Variants in SPAG5 observed in about 807,000 individuals in gnomAD.
SPAG5 encodes the protein sperm associated antigen 5, also known as sperm-associated antigen 5.
A neutral mutation model predicts 145.4 loss-of-function variants in SPAG5; 99 were observed. The ratio of observed to expected loss-of-function variants is 0.68; its 90% confidence interval spans 0.58 to 0.80. The LOEUF (loss-of-function observed/expected upper bound fraction) is 0.80. Among genes scored for constraint, SPAG5 ranks in the 30% least tolerant of loss-of-function variants. The pLI, the probability that SPAG5 is intolerant of heterozygous loss-of-function variation, is 0.00. For synonymous variants in SPAG5, 477 were observed against 525.4 expected, an observed-to-expected ratio of 0.91 and a Z score of 1.26; for missense variants, 1,192 against 1,416.0, an observed-to-expected ratio of 0.84 and a Z score of 2.54.
intron 16 of SPAG5, 32 bp from the exon 17 acceptor site, chr17:28,579,869 C>G: frequency 1.3e-6 from 2 of 1,599,122 alleles, no homozygotes; most frequent in African/African-American, 2.7e-5. Flanking sequence ...GGAGAGGGCC[C>G]CTCTGATGAT....
chr17:28,596,583 G>A (rs186331355), intron 2 of SPAG5, among the ~76,000 whole-genome samples: 16 of 152,070 alleles, frequency 1.1e-4, no homozygotes, highest in African/African-American at 3.6e-4. Flanking sequence ...CAGGAGGATC[G>A]CTTGAACCCA....
intron 4 of SPAG5, 21 bp from the exon 5 acceptor site, chr17:28,586,520 G>A: frequency 6.3e-7 from 1 of 1,592,988 alleles, no homozygotes; most frequent in Non-Finnish European, 8.6e-7. Flanking sequence ...AAACAGAGTT[G>A]TTCCTTGTTT....
chr17:28,579,706 C>G, intron 17 of SPAG5, 45 bp downstream of exon 17: 1 of 1,577,354 alleles, frequency 6.3e-7, no homozygotes, highest in Non-Finnish European at 8.7e-7. Flanking sequence ...TCATCACCAC[C>G]AGATTTTCTA....
chr17:28,577,919 G>T, intron 23 of SPAG5, 91 bp downstream of exon 23: 1 of 1,285,064 alleles, frequency 7.8e-7, no homozygotes, highest in East Asian at 2.3e-5. Context: ...TCTCAGCACA[G>T]GCTGGGAACC....
At chr17:28,579,959 T>A (rs1340183957) in intron 16 of SPAG5, 50 bp downstream of exon 16, 1 of 1,542,324 alleles carries the variant, frequency 6.5e-7, no homozygotes, top group Non-Finnish European at 9.0e-7. Flanking sequence ...GCAGAAGATA[T>A]CAGGAGCAGC....
At chr17:28,597,059 C>G (rs1375879289) in intron 2 of SPAG5, among the ~76,000 whole-genome samples, 1 of 151,714 alleles carries the variant, frequency 6.6e-6, no homozygotes, top group Non-Finnish European at 1.5e-5. Context: ...TGGACTCCAA[C>G]CTGGGCAACA....
chr17:28,595,657 G>A (rs1002417550), intron 2 of SPAG5, among the ~76,000 whole-genome samples: 15 of 152,014 alleles, frequency 9.9e-5, no homozygotes, highest in Non-Finnish European at 1.8e-4. Context: ...GCTGAAGCAG[G>A]AGAATTGCTT....
rs770277011 is a variant in SPAG5, at chr17:28,591,844, G to C, written c.1291C>G (p.Arg431Gly). Residue 431 changes from arginine to glycine, a missense_variant, in exon 4 of 24, where the codon CGA becomes GGA. This residue lies in a region of SPAG5 where 125 missense variants were observed against 143.8 expected (regional missense o/e 0.87). Transcript: ENST00000321765. ...GRPPDLTALS[R>G]HDLEDNLLSS... is the part of the protein sequence containing the mutation. Reference sequence around the variant, plus strand: ...AGCAGGTTATCTTCCAAGTCATGTCGAGACAAGGCAGTCAGATCTGGAGGC... The same window carrying C: ...AGCAGGTTATCTTCCAAGTCATGTCCAGACAAGGCAGTCAGATCTGGAGGC... The C allele has an allele frequency of 6.2e-7, 1 of 1,614,084 alleles. No homozygotes were observed.
At chr17:28,594,219 C>A (rs2070643879) in intron 2 of SPAG5, among the ~76,000 whole-genome samples, 1 of 152,112 alleles carries the variant, frequency 6.6e-6, no homozygotes, top group African/African-American at 2.4e-5. Context: ...ATGCTAGACA[C>A]ATAATTATAA....
chr17:28,596,273 C>T (rs1353560427), intron 2 of SPAG5, among the ~76,000 whole-genome samples: 1 of 151,924 alleles, frequency 6.6e-6, no homozygotes, highest in East Asian at 1.9e-4. Flanking sequence ...CATTGTGTAG[C>T]TGACTGCATC....
At chr17:28,577,811 T>G (rs757244576) in intron 23 of SPAG5, 41 bp from the exon 24 acceptor site, 2 of 1,546,360 alleles carry the variant, frequency 1.3e-6, no homozygotes, top group South Asian at 2.2e-5. Context: ...GACCACAGAC[T>G]TAAGGCCCAG....
chr17:28,585,115 T>G lies in SPAG5; in HGVS notation c.2054A>C (p.Glu685Ala). Residue 685 changes from glutamate (E) to alanine (A), a missense_variant, in exon 10 of 24, where the codon GAG (glutamate) becomes GCG (alanine). Physicochemically the swap from Glu to Ala is moderately radical, Grantham distance 107. Transcript: ENST00000321765. ...CTTGGTTTGTACCTCCTGCTTTTCCTCAATTGCCACATCACGTTCCTGCAG... is the reference window on the plus strand; with the variant it reads ...CTTGGTTTGTACCTCCTGCTTTTCCGCAATTGCCACATCACGTTCCTGCAG... ...QALQERDVAI[E>A]EKQEVSRVLE... 3 of 1,614,158 alleles carry G rather than the reference T, an allele frequency of 1.9e-6. No individual in the cohort carries two copies. In the South Asian group the frequency reaches 3.3e-5, roughly 18 times the overall value.
At chr17:28,593,386 C>G (rs571179096) in intron 2 of SPAG5, among the ~76,000 whole-genome samples, 82 of 152,252 alleles carry the variant, frequency 5.4e-4, no homozygotes, top group African/African-American at 1.9e-3. Flanking sequence ...TCTAGATGAA[C>G]AGATAGGAGG....
chr17:28,594,549 C>A (rs560907013), intron 2 of SPAG5, among the ~76,000 whole-genome samples: 1 of 152,016 alleles, frequency 6.6e-6, no homozygotes, highest in South Asian at 2.1e-4. Flanking sequence ...GAGCCAAGAT[C>A]GTGACACTGC....
intron 2 of SPAG5, among the ~76,000 whole-genome samples, chr17:28,593,524 T>C (rs2070639275): frequency 6.6e-6 from 1 of 151,984 alleles, no homozygotes; most frequent in African/African-American, 2.4e-5. Context: ...CACAAGCAGG[T>C]GGATCGCTTG....
At chr17:28,598,678 G>A (rs766414538) in intron 1 of SPAG5, 43 bp from the exon 2 acceptor site, 1 of 1,564,940 alleles carries the variant, frequency 6.4e-7, no homozygotes, top group African/African-American at 1.4e-5. Flanking sequence ...GAGGAAGCCT[G>A]GGTTCTGCCA....
At chr17:28,587,423 G>A (rs1326297717) in intron 4 of SPAG5, among the ~76,000 whole-genome samples, 2 of 151,890 alleles carry the variant, frequency 1.3e-5, no homozygotes, top group South Asian at 2.1e-4. Flanking sequence ...GCACGTGCCT[G>A]TAATCCCAGC....
At chr17:28,581,190 A>G (rs2070547115) in intron 15 of SPAG5, among the ~76,000 whole-genome samples, 1 of 152,214 alleles carries the variant, frequency 6.6e-6, no homozygotes. Flanking sequence ...CTTGAACTAC[A>G]AAGGCAGAAT....
chr17:28,577,867 CAG>C, intron 23 of SPAG5, 97 bp from the exon 24 acceptor site: 1 of 1,228,586 alleles, frequency 8.1e-7, no homozygotes, highest in Non-Finnish European at 1.2e-6. Context: ...GGGGAGAAAA[CAG>C]ACACCACAGA....
Sources: allele counts gnomAD v4.1 joint callset (sites outside exome capture counted in the v4.1 genomes callset), GRCh38; gene constraint gnomAD v4.1.1; regional missense constraint gnomAD v4.1.1; transcripts MANE v1.5; gene names NCBI Gene and HGNC (gene_info 2026-07-23, HGNC 2026-07-21).